The following CDC42BPA variants were observed in gnomAD, a reference collection of about 807,000 sequenced individuals.
CDC42BPA encodes the protein CDC42 binding protein kinase alpha, also known as serine/threonine-protein kinase MRCK alpha.
In CDC42BPA, 80 loss-of-function variants were observed where a neutral mutation model predicts 223.5. The observed-to-expected ratio is 0.36, with a 90% CI of 0.30 to 0.43. CDC42BPA has a LOEUF of 0.43. Among genes scored for constraint, CDC42BPA ranks in the 20% least tolerant of loss-of-function variants. The pLI is 1.00. For missense variants in CDC42BPA, 1,743 were observed against 2,099.9 expected (o/e 0.83, Z 3.32); for synonymous variants, 694 against 718.6 (o/e 0.97, Z 0.55).
At chr1:227,067,361 A>G (rs923664789) in intron 21 of CDC42BPA, among the ~76,000 whole-genome samples, 1 of 152,102 alleles carries the variant, frequency 6.6e-6, no homozygotes, top group Non-Finnish European at 1.5e-5. Context: ...ACAATCAAAT[A>G]TATGTACATT....
chr1:227,064,100 G>C (rs16846910), intron 21 of CDC42BPA, among the ~76,000 whole-genome samples: 23,471 of 152,008 alleles, frequency 0.15, 2,195 homozygotes, highest in African/African-American at 0.25. Flanking sequence ...CCAGACTGTT[G>C]GGCTATAGAT....
At position 227,028,635 on chromosome 1, in the gene CDC42BPA, G is replaced by A. The variant is rs759036760; in HGVS notation, c.4432+22C>T. ...GAAGAAGAGATATAAAGATAAGACAGCCGTAAGAAAGAGAATCTTACAACA... is the reference window on the plus strand; with the variant it reads ...GAAGAAGAGATATAAAGATAAGACAACCGTAAGAAAGAGAATCTTACAACA... On this transcript the variant is annotated intron_variant, in intron 30 of 36. Coordinates refer to ENST00000366766, the MANE Select transcript of CDC42BPA (RefSeq NM_001394014.1). 13 of 1,437,346 alleles carry A rather than the reference G, an allele frequency of 9.0e-6. No homozygotes were observed. The South Asian group carries it at 1.3e-4, about 15-fold the overall frequency. 89.0% of individuals were successfully genotyped at this position (1,437,346 alleles called of 1,614,324 possible).
chr1:227,253,245 A>G (rs1682365722), intron 2 of CDC42BPA, among the ~76,000 whole-genome samples: 1 of 140,028 alleles, frequency 7.1e-6, no homozygotes, highest in Admixed American at 7.2e-5. Flanking sequence ...AGAGAAAGAG[A>G]GCGAGAGAGA....
intron 1 of CDC42BPA, among the ~76,000 whole-genome samples, chr1:227,280,227 G>A (rs368015179): frequency 4.4e-4 from 67 of 152,292 alleles, no homozygotes; most frequent in African/African-American, 1.6e-3. Flanking sequence ...TCTGAAAGAA[G>A]ACGGATAAGA....
At chr1:227,220,309 T>TAC (rs1675642662) in intron 2 of CDC42BPA, among the ~76,000 whole-genome samples, 10 of 75,386 alleles carry the variant, frequency 1.3e-4, no homozygotes, top group Admixed American at 1.4e-4. Flanking sequence ...TATATATATA[T>TAC]ATACACACAC....
Position 226,994,285 on chromosome 1 carries a change from C to A in CDC42BPA, c.5248G>T (p.Gly1750Trp). 1 of 1,585,756 alleles carries A rather than the reference C, an allele frequency of 6.3e-7. No individual in the cohort carries two copies. Among genetic ancestry groups the A allele is most frequent in the East Asian group, 2.3e-5 (1 of 43,696 alleles). Residue 1750 changes from glycine (G) to tryptophan (W), a missense_variant, in exon 37 of 37, where the codon GGG becomes TGG. Gly to Trp is a radical substitution (Grantham distance 184). Around this residue, in one of 6 missense-constraint regions of CDC42BPA, gnomAD observed 200 missense variants for 192.8 expected, o/e 1.04. Transcript: ENST00000366766. The surrounding 1 kb of genome is among the most constrained non-coding windows in gnomAD (Gnocchi z 4.0). ...KSLSLESTDR[G>W]SWDP ...GAGGCAGCTCACGGGTCCCAGCTCC[C>A]GCGGTCAGTGCTCTCCAGGGAGAGG...
intron 16 of CDC42BPA, among the ~76,000 whole-genome samples, chr1:227,083,167 T>C (rs1681068775): frequency 1.3e-5 from 2 of 152,162 alleles, no homozygotes; most frequent in Admixed American, 1.3e-4. Context: ...TCCTTGCCTT[T>C]TGGGAAACCA....
At chr1:227,264,968 T>G in intron 1 of CDC42BPA, 1 of 950,200 alleles carries the variant, frequency 1.1e-6, no homozygotes, top group Non-Finnish European at 1.7e-6. Context: ...TTGTATAACC[T>G]CATTTGGGCA....
intron 35 of CDC42BPA, among the ~76,000 whole-genome samples, chr1:227,001,166 T>A (rs1332944759): frequency 6.6e-6 from 1 of 152,218 alleles, no homozygotes; most frequent in African/African-American, 2.4e-5. Context: ...GATCCTGTGC[T>A]TCTTGCTGTA....
chr1:227,108,175 T>A (rs945321779), intron 14 of CDC42BPA, among the ~76,000 whole-genome samples: 5 of 152,194 alleles, frequency 3.3e-5, no homozygotes, highest in African/African-American at 9.6e-5. Context: ...CCTTAAGATA[T>A]AAAGTTAGGT....
intron 5 of CDC42BPA, among the ~76,000 whole-genome samples, chr1:227,179,013 C>T (rs774941069): frequency 1.1e-4 from 17 of 152,160 alleles, no homozygotes; most frequent in Admixed American, 2.0e-4. Flanking sequence ...ATCATATGTC[C>T]TGACATATCC....
intron 1 of CDC42BPA, among the ~76,000 whole-genome samples, chr1:227,276,555 C>T (rs564795447): frequency 1.3e-5 from 2 of 149,848 alleles, no homozygotes; most frequent in African/African-American, 2.5e-5. Flanking sequence ...TCTGCCCAGC[C>T]GCCGCCCCGT....
chr1:227,014,005 A>AT (rs1262915610), intron 34 of CDC42BPA, among the ~76,000 whole-genome samples: 1 of 152,082 alleles, frequency 6.6e-6, no homozygotes. Flanking sequence ...TCTTTACGGT[A>AT]TTTTGTGCCT....
At chr1:227,022,350 T>C (rs1375740914) in intron 32 of CDC42BPA, among the ~76,000 whole-genome samples, 2 of 152,070 alleles carry the variant, frequency 1.3e-5, no homozygotes, top group Non-Finnish European at 2.9e-5. Context: ...CAAGGATCAC[T>C]TGAACCCAGG....
At chr1:227,205,289 T>C (rs984542319) in intron 3 of CDC42BPA, among the ~76,000 whole-genome samples, 2 of 91,634 alleles carry the variant, frequency 2.2e-5, no homozygotes, top group East Asian at 2.6e-4. Context: ...AAAAAATATA[T>C]ATATATATAT....
intron 29 of CDC42BPA, 52 bp downstream of exon 29, chr1:227,030,356 A>G (rs1027894448): frequency 8.4e-6 from 9 of 1,072,312 alleles, no homozygotes; most frequent in Admixed American, 5.2e-5. Context: ...TACAGTTTAA[A>G]TTTTTTTAAC....
rs1346704511 is a variant in CDC42BPA, at chr1:226,991,560, T to G, written c.*2708A>C. ...CCCTGCTTTTAGAATCTGCACGCATTCGGGACTGCTCTATTATGACTGATG... is the reference window on the plus strand; with the variant it reads ...CCCTGCTTTTAGAATCTGCACGCATGCGGGACTGCTCTATTATGACTGATG... On this transcript the variant is annotated 3_prime_UTR_variant, in exon 37 of 37. Coordinates refer to ENST00000366766, the MANE Select transcript of CDC42BPA (RefSeq NM_001394014.1). 2.0e-5 allele frequency: 3 copies of G among 152,188 alleles called. No individual in the cohort carries two copies. Among genetic ancestry groups the G allele is most frequent in the Non-Finnish European group, 4.4e-5 (3 of 68,038 alleles). 9.4% of individuals were successfully genotyped at this position (152,188 alleles called of 1,614,324 possible). A position where few individuals can be genotyped will look rare whatever the true frequency, so the allele number is the denominator to read the frequency against.
chr1:227,262,417 C>T (rs1684241129), intron 1 of CDC42BPA, among the ~76,000 whole-genome samples: 2 of 151,948 alleles, frequency 1.3e-5, no homozygotes, highest in Admixed American at 1.3e-4. Flanking sequence ...GGGGAAAGTA[C>T]AGAGAGAGAA....
In CDC42BPA at chr1:227,035,533, T is replaced by C; in HGVS notation, c.3274A>G (p.Lys1092Glu). 1 of 1,611,952 alleles carries C rather than the reference T, an allele frequency of 6.2e-7. No individual in the cohort carries two copies. The highest frequency in any genetic ancestry group is 8.5e-7 in the Non-Finnish European group (1 of 1,179,182). ...TGAGGATCTATACCCAGGGGACCTT[T>C]TGTCTGTTCAGGAGGAACTGGACAA... ...TTCPVPPEQT[K>E]GPLGIDPQKG... Residue 1092 changes from lysine to glutamate, a missense_variant, in exon 25 of 37, where the codon AAA becomes GAA. Physicochemically the swap from Lys to Glu is moderately conservative, Grantham distance 56. Transcript: ENST00000366766.
Sources: gnomAD v4.1 joint callset for allele counts (sites outside exome capture counted in the v4.1 genomes callset) on GRCh38, gnomAD v4.1.1 for gene constraint, gnomAD v4.1.1 regional missense constraint, Gnocchi (gnomAD v3.1) non-coding constraint, MANE v1.5 for transcripts, NCBI Gene and HGNC (gene_info 2026-07-23, HGNC 2026-07-21) for gene names.